ZNF671: variants seen among roughly 807,000 people sequenced by gnomAD.
ZNF671 encodes the protein zinc finger protein 671.
Under a neutral mutation model 16.6 loss-of-function variants are expected in ZNF671, and 19 were observed. The ratio of observed to expected loss-of-function variants is 1.14; its 90% CI spans 0.80 to 1.68. ZNF671 has a LOEUF of 1.68. Among genes scored for constraint, ZNF671 ranks in the 40% most tolerant of loss-of-function variants. The probability of loss-of-function intolerance (pLI) is 0.00; values close to 1 mark genes in which losing one functional copy is unlikely to be tolerated. For missense variants in ZNF671, 637 were observed against 659.8 expected, an observed-to-expected ratio of 0.97 and a Z score of 0.38; for synonymous variants, 238 against 236.3, an observed-to-expected ratio of 1.01 and a Z score of -0.06.
At position 57,727,572 on chromosome 19, in the gene ZNF671, G is replaced by A. The variant is rs1986096376; in HGVS notation, c.-44C>T. On this transcript the variant is annotated 5_prime_UTR_variant, in exon 1 of 4. Transcript: ENST00000317398. ...ACACCTCCACCTGCGGCCCACACAA[G>A]CGTTACAGAACCCCGGCCAGGGACA... The A allele has an allele frequency of 6.4e-7, 1 of 1,573,354 alleles. No individual in the cohort carries two copies. Among genetic ancestry groups the A allele is most frequent in the Admixed American group, 1.7e-5 (1 of 57,218 alleles).
At chr19:57,725,402 T>C (rs1225706663) in intron 1 of ZNF671, among the ~76,000 whole-genome samples, 2 of 151,908 alleles carry the variant, frequency 1.3e-5, no homozygotes, top group African/African-American at 4.8e-5. Context: ...AGGCAGAGGT[T>C]GCGGTGAGCC....
chr19:57,721,820 A>G, intron 3 of ZNF671, 123 bp from the exon 4 acceptor site: 1 of 1,351,754 alleles, frequency 7.4e-7, no homozygotes, highest in East Asian at 2.3e-5. Context: ...AATGAGAGGC[A>G]TGGTCAGAGT....
chr19:57,720,737 T>C lies in ZNF671; in HGVS notation c.1349A>G (p.Asp450Gly), dbSNP rs1289271654. ...TTTACCACATCTGCTACACTCATAATCACTGCTGTGAATTCTCCAGTGTAC... is the reference window on the plus strand; with the variant it reads ...TTTACCACATCTGCTACACTCATAACCACTGCTGTGAATTCTCCAGTGTAC... ...LNVHWRIHSS[D>G]YECSRCGKAF... The change falls in exon 4 of 4, where the codon GAT becomes GGT. Residue 450 changes from aspartate to glycine, a missense_variant. Physicochemically the swap from Asp to Gly is moderately conservative, Grantham distance 94. Transcript: ENST00000317398. 2 of 1,614,132 alleles carry C rather than the reference T, an allele frequency of 1.2e-6. No individual in the cohort carries two copies. The highest frequency in any genetic ancestry group is 1.7e-6 in the Non-Finnish European group (2 of 1,180,056).
At chr19:57,721,822 G>T in intron 3 of ZNF671, 125 bp from the exon 4 acceptor site, 1 of 1,336,998 alleles carries the variant, frequency 7.5e-7, no homozygotes, top group East Asian at 2.3e-5. Context: ...TGAGAGGCAT[G>T]GTCAGAGTGA....
intron 1 of ZNF671, among the ~76,000 whole-genome samples, chr19:57,725,700 G>T (rs2122470063): frequency 6.6e-6 from 1 of 152,006 alleles, no homozygotes; most frequent in African/African-American, 2.4e-5. Context: ...ACTTTGGGAG[G>T]CCGAAGGGAG....
Position 57,727,415 on chromosome 19 carries a change from C to T in ZNF671, c.114G>A (p.Met38Ile). The change falls in exon 1 of 4, where the codon ATG becomes ATA. Residue 38 changes from methionine (M) to isoleucine (I), a missense_variant. Met to Ile is a conservative substitution (Grantham distance 10). Coordinates refer to ENST00000317398, the MANE Select transcript of ZNF671 (RefSeq NM_024833.3). ...LPAAVRAHGP[M>I]AELTDSARGC... ...CCCGCGCGGAGTCCGTTAGCTCCGC[C>T]ATAGGACCGTGGGCGCGGACAGCTG... is the stretch of plus-strand genomic sequence containing the variant. 1 of 1,612,624 alleles carries T rather than the reference C, an allele frequency of 6.2e-7. No individual in the cohort carries two copies. The highest frequency in any genetic ancestry group is 1.3e-5 in the African/African-American group (1 of 75,038).
At position 57,727,487 on chromosome 19, in the gene ZNF671, C is replaced by T. The variant is rs1600055693; in HGVS notation, c.42G>A (p.Gln14=). Residue 14 remains glutamine (Q), a synonymous_variant, in exon 1 of 4, where the codon CAG becomes CAA. Transcript: ENST00000317398. ...ATCGGGGACGCAGGCACTTCCGTCCCTGCAGAGCATCAGACGCGTCTCGGG... is the reference window on the plus strand; with the variant it reads ...ATCGGGGACGCAGGCACTTCCGTCCTTGCAGAGCATCAGACGCGTCTCGGG... ...PVSRDASDAL[Q]GRKCLRPRSR... 2 of 1,613,208 alleles carry T rather than the reference C, an allele frequency of 1.2e-6. No individual in the cohort carries two copies. Among genetic ancestry groups the T allele is most frequent in the Non-Finnish European group, 1.7e-6 (2 of 1,179,540 alleles).
Position 57,721,197 on chromosome 19 carries a change from T to A in ZNF671, c.889A>T (p.Lys297Ter). 3 of 1,611,516 alleles carry A rather than the reference T, an allele frequency of 1.9e-6. No homozygotes were observed. The highest frequency in any genetic ancestry group is 2.5e-6 in the Non-Finnish European group (3 of 1,178,172). Residue 297 changes from lysine to a stop codon, truncating the protein, a stop_gained, in exon 4 of 4, where the codon AAA becomes TAA. Transcript: ENST00000317398. LOFTEE classifies it low-confidence loss of function (END_TRUNC). ...CGECGKAFTRKDTLARHQRIH... is the reference protein window; with the variant it reads ...CGECGKAFTR ...CTCTGATGCCGAGCAAGTGTGTCTT[T>A]GCGGGTGAAGGCTTTCCCACATTCA...
At position 57,727,486 on chromosome 19, in the gene ZNF671, C is replaced by A; in HGVS notation, c.43G>T (p.Gly15Ter). 6.2e-7 allele frequency: 1 copy of A among 1,613,170 alleles called. No homozygotes were observed. Among genetic ancestry groups the A allele is most frequent in the South Asian group, 1.1e-5 (1 of 91,010 alleles). The change falls in exon 1 of 4, where the codon GGA becomes TGA. Residue 15 changes from glycine (G) to a stop codon, truncating the protein, a stop_gained. Transcript: ENST00000317398. LOFTEE classifies it high-confidence loss of function. ...VSRDASDALQ[G>*]RKCLRPRSRR... ...GATCGGGGACGCAGGCACTTCCGTCCCTGCAGAGCATCAGACGCGTCTCGG... is the reference window on the plus strand; with the variant it reads ...GATCGGGGACGCAGGCACTTCCGTCACTGCAGAGCATCAGACGCGTCTCGG...
Position 57,721,360 on chromosome 19 carries a change from T to G in ZNF671, c.726A>C (p.Thr242=). 1 of 1,613,342 alleles carries G rather than the reference T, an allele frequency of 6.2e-7. No homozygotes were observed. The highest frequency in any genetic ancestry group is 8.5e-7 in the Non-Finnish European group (1 of 1,179,334). The stretch of plus-strand genomic sequence containing the variant: ...AAAAGTCTCTCCTACCTTTCCCACA[T>G]GTGAGGGTCTTCTCTGGCACATGGA... The part of the protein sequence containing the change: ...CRVHVPEKTL[T]CGKGRRDFSA... The change falls in exon 4 of 4, where the codon ACA becomes ACC. Residue 242 remains threonine, a synonymous_variant. Coordinates refer to ENST00000317398, the MANE Select transcript of ZNF671 (RefSeq NM_024833.3).
chr19:57,726,877 A>G (rs1011061227), intron 1 of ZNF671: 1 of 153,140 alleles, frequency 6.5e-6, no homozygotes, highest in Non-Finnish European at 1.5e-5. Context: ...TTTAAAACCT[A>G]CCCAGAATAT....
chr19:57,721,197 T>C lies in ZNF671; in HGVS notation c.889A>G (p.Lys297Glu). ...CTCTGATGCCGAGCAAGTGTGTCTT[T>C]GCGGGTGAAGGCTTTCCCACATTCA... is the stretch of plus-strand genomic sequence containing the variant. ...CGECGKAFTR[K>E]DTLARHQRIH... is the part of the protein sequence containing the mutation. Residue 297 changes from lysine to glutamate, a missense_variant, in exon 4 of 4, where the codon AAA (lysine) becomes GAA (glutamate). Transcript: ENST00000317398. The C allele has an allele frequency of 6.2e-7, 1 of 1,611,516 alleles. No homozygotes were observed.
At chr19:57,725,694 T>C (rs920507668) in intron 1 of ZNF671, among the ~76,000 whole-genome samples, 1 of 151,472 alleles carries the variant, frequency 6.6e-6, no homozygotes, top group African/African-American at 2.4e-5. Context: ...CCCAGCACTT[T>C]GGGAGGCCGA....
rs529807872 is a variant in ZNF671, at chr19:57,720,367, C to T, written c.*114G>A. ...ATTCCCAATGGCGGGTAAGGTTCAG[C>T]CTCCAGGGGAAGGCTTTCCTGCATC... On this transcript the variant is annotated 3_prime_UTR_variant, in exon 4 of 4. Transcript: ENST00000317398. 21 of 1,415,520 alleles carry T rather than the reference C, an allele frequency of 1.5e-5. No individual in the cohort carries two copies. In the Admixed American group the frequency reaches 3.7e-4, roughly 25 times the overall value. The allele number at this position is 1,415,520 out of a possible 1,614,324, so 87.7% of individuals were successfully genotyped here.
rs143423014 is a variant in ZNF671, at chr19:57,719,987, A to T, written c.*494T>A. The T allele has an allele frequency of 0.019, 3,015 of 162,730 alleles. 55 individuals carry two copies. Among genetic ancestry groups the T allele is most frequent in the Non-Finnish European group, 0.029 (2,142 of 73,026 alleles). 10.1% of individuals were successfully genotyped at this position (162,730 alleles called of 1,614,324 possible). A position where few individuals can be genotyped will look rare whatever the true frequency, so the allele number is the denominator to read the frequency against. On this transcript the variant is annotated 3_prime_UTR_variant, in exon 4 of 4. Coordinates refer to ENST00000317398, the MANE Select transcript of ZNF671 (RefSeq NM_024833.3). ...ATTAAGACCCCTAGTGGGCTGTGAG[A>T]CCACTCACAACACCTTTTAGGGACT...
chr19:57,721,783 G>C (rs891997676), intron 3 of ZNF671, 86 bp from the exon 4 acceptor site: 1 of 1,500,490 alleles, frequency 6.7e-7, no homozygotes, highest in East Asian at 2.3e-5. Flanking sequence ...GACACATGCA[G>C]GAATAAGTTC....
Position 57,727,445 on chromosome 19 carries a change from G to A in ZNF671, c.84C>T (p.Leu28=), listed in dbSNP as rs751755257. 4 of 1,612,512 alleles carry A rather than the reference G, an allele frequency of 2.5e-6. No homozygotes were observed. In the South Asian group the frequency reaches 3.3e-5, roughly 13 times the overall value. ...CLRPRSRRLP[L]PAAVRAHGPM... ...GACCGTGGGCGCGGACAGCTGCCGG[G>A]AGCGGCAGGCGTCTCGATCGGGGAC... The change falls in exon 1 of 4, where the codon CTC becomes CTT. Residue 28 remains leucine (L), a synonymous_variant. Coordinates refer to ENST00000317398, the MANE Select transcript of ZNF671 (RefSeq NM_024833.3).
At chr19:57,726,769 A>G (rs558907727) in intron 1 of ZNF671, 2 of 152,470 alleles carry the variant, frequency 1.3e-5, no homozygotes, top group South Asian at 4.1e-4. Flanking sequence ...CCAAAATCCA[A>G]ACGTTCATGG....
intron 2 of ZNF671, 45 bp from the exon 3 acceptor site, chr19:57,722,483 G>A (rs752418459): frequency 6.2e-7 from 1 of 1,606,792 alleles, no homozygotes; most frequent in Non-Finnish European, 8.5e-7. Context: ...CTGGCCCATG[G>A]CAAACCACCC....
Sources: gnomAD v4.1 joint callset for allele counts (sites outside exome capture counted in the v4.1 genomes callset) on GRCh38, gnomAD v4.1.1 for gene constraint, MANE v1.5 for transcripts, NCBI Gene and HGNC (gene_info 2026-07-23, HGNC 2026-07-21) for gene names.